FAF1: variants seen among roughly 807,000 people sequenced by gnomAD.
FAF1 encodes the protein FAS-associated factor 1.
Under a neutral mutation model 92.5 loss-of-function variants are expected in FAF1, and 25 were observed. That is an observed-to-expected ratio of 0.27 (90% confidence interval 0.20 to 0.38). The LOEUF (loss-of-function observed/expected upper bound fraction) is 0.38. Ranked by LOEUF, FAF1 falls within the 10% of genes least tolerant of loss-of-function variation. FAF1 has a pLI of 1.00. For missense variants in FAF1, 636 were observed against 793.3 expected (o/e 0.80, Z 2.38); for synonymous variants, 234 against 273.2 (o/e 0.86, Z 1.42).
At chr1:50,697,031 G>A (rs1414235267) in intron 7 of FAF1, among the ~76,000 whole-genome samples, 2 of 152,230 alleles carry the variant, frequency 1.3e-5, no homozygotes, top group African/African-American at 2.4e-5. Context: ...ATTTGGACCA[G>A]CTGGGTAGAA....
At chr1:50,593,924 GAGC>G (rs1186949964) in intron 9 of FAF1, among the ~76,000 whole-genome samples, 1 of 152,110 alleles carries the variant, frequency 6.6e-6, no homozygotes, top group East Asian at 1.9e-4. Context: ...AAATAAAAAT[GAGC>G]AACCACATTT....
chr1:50,716,904 A>T (rs1658200184), intron 6 of FAF1, among the ~76,000 whole-genome samples: 1 of 152,172 alleles, frequency 6.6e-6, no homozygotes, highest in African/African-American at 2.4e-5. Context: ...TTTGCTCTTC[A>T]CAATAAATCT....
chr1:50,567,118 T>A lies in FAF1; in HGVS notation c.1227A>T (p.Ile409=). Residue 409 remains isoleucine (I), a synonymous_variant, in exon 13 of 19, where the codon ATA becomes ATT. Coordinates refer to ENST00000396153, the MANE Select transcript of FAF1 (RefSeq NM_007051.3). ...CCTTTGTCAGATCCCAAGCCCAGGT[T>A]ATAAAATTTTGACTCAGATAAGAAA... ...SIVSYLSQNF[I]TWAWDLTKDS... is the part of the protein sequence containing the mutation. 1.2e-6 allele frequency: 2 copies of A among 1,610,006 alleles called. No homozygotes were observed. Among genetic ancestry groups the A allele is most frequent in the South Asian group, 2.2e-5 (2 of 90,468 alleles).
At chr1:50,849,029 T>C (rs1570047898) in intron 2 of FAF1, among the ~76,000 whole-genome samples, 1 of 151,942 alleles carries the variant, frequency 6.6e-6, no homozygotes, top group African/African-American at 2.4e-5. Context: ...GAGGCCAGGG[T>C]GGGTGGATCA....
chr1:50,576,087 T>C lies in FAF1; in HGVS notation c.1113+6531A>G, dbSNP rs143123212. Among the ~76,000 whole-genome samples the C allele has an allele frequency of 1.4e-4, 21 of 152,342 alleles. No homozygotes were observed. The East Asian group carries it at 3.1e-3, about 22-fold the overall frequency. On this transcript the variant is annotated intron_variant, in intron 12 of 18. Coordinates refer to ENST00000396153, the MANE Select transcript of FAF1 (RefSeq NM_007051.3). ...AACTGTTCCTAGAACTAGTTCATAA[T>C]TGAATGAGAAAATCAGTTTTGTTAT...
At chr1:50,881,861 A>G (rs1644615229) in intron 1 of FAF1, among the ~76,000 whole-genome samples, 1 of 152,224 alleles carries the variant, frequency 6.6e-6, no homozygotes, top group African/African-American at 2.4e-5. Flanking sequence ...TGCATTTATG[A>G]GAAGGCAACA....
At chr1:50,921,286 C>G (rs1644960936) in intron 1 of FAF1, among the ~76,000 whole-genome samples, 1 of 152,198 alleles carries the variant, frequency 6.6e-6, no homozygotes, top group Non-Finnish European at 1.5e-5. Context: ...TGTGGGCTGG[C>G]CTGCCCAACT....
intron 4 of FAF1, among the ~76,000 whole-genome samples, chr1:50,757,606 T>C (rs1446538880): frequency 6.6e-6 from 1 of 152,132 alleles, no homozygotes; most frequent in Non-Finnish European, 1.5e-5. Context: ...ATTTTCCAGT[T>C]CTTTTCATTT....
intron 1 of FAF1, among the ~76,000 whole-genome samples, chr1:50,881,444 G>T (rs1644611681): frequency 6.6e-6 from 1 of 152,102 alleles, no homozygotes; most frequent in Non-Finnish European, 1.5e-5. Context: ...GTCTCAACTT[G>T]AGTTTCATGG....
At chr1:50,896,436 AAAG>A (rs1644758539) in intron 1 of FAF1, among the ~76,000 whole-genome samples, 1 of 152,226 alleles carries the variant, frequency 6.6e-6, no homozygotes, top group Non-Finnish European at 1.5e-5. Context: ...TTTTTTAAAA[AAAG>A]AAAAATGAGA....
chr1:50,627,835 T>C (rs1653579578), intron 8 of FAF1, among the ~76,000 whole-genome samples: 1 of 77,060 alleles, frequency 1.3e-5, no homozygotes, highest in South Asian at 3.6e-4. Context: ...CAACAAAACA[T>C]TTTTTTTTTT....
At chr1:50,628,357 T>C (rs1653606127) in intron 8 of FAF1, among the ~76,000 whole-genome samples, 1 of 152,224 alleles carries the variant, frequency 6.6e-6, no homozygotes, top group South Asian at 2.1e-4. Context: ...TACACACAGC[T>C]ATCTGATTTG....
intron 8 of FAF1, among the ~76,000 whole-genome samples, chr1:50,601,825 A>C (rs1264224480): frequency 6.6e-6 from 1 of 151,838 alleles, no homozygotes; most frequent in Admixed American, 6.6e-5. Context: ...TTAGTTCTTC[A>C]AAGTATTTTT....
chr1:50,551,820 C>T (rs771522168), intron 13 of FAF1, among the ~76,000 whole-genome samples: 11 of 152,140 alleles, frequency 7.2e-5, no homozygotes, highest in Non-Finnish European at 1.0e-4. Flanking sequence ...TGAGAGTAGT[C>T]TCAAATAGTT....
intron 1 of FAF1, among the ~76,000 whole-genome samples, chr1:50,889,159 T>C (rs1162956614): frequency 1.3e-5 from 2 of 152,234 alleles, no homozygotes; most frequent in African/African-American, 4.8e-5. Flanking sequence ...CGTAGAGGTG[T>C]TTACAGTATT....
chr1:50,735,533 T>C (rs922198429), intron 6 of FAF1, among the ~76,000 whole-genome samples: 3 of 152,186 alleles, frequency 2.0e-5, no homozygotes, highest in Non-Finnish European at 2.9e-5. Flanking sequence ...AAAGAAATTA[T>C]ATTAATACAA....
At chr1:50,819,740 CATATATATAT>C (rs1553142997) in intron 2 of FAF1, among the ~76,000 whole-genome samples, 1 of 28,036 alleles carries the variant, frequency 3.6e-5, no homozygotes, top group African/African-American at 1.4e-4. Context: ...CATATATATA[CATATATATAT>C]ACATATATAT....
At chr1:50,940,375 A>C (rs1196097812) in intron 1 of FAF1, among the ~76,000 whole-genome samples, 2 of 152,268 alleles carry the variant, frequency 1.3e-5, no homozygotes, top group Non-Finnish European at 2.9e-5. Context: ...AATACAATGC[A>C]GTTTACAACA....
At chr1:50,875,461 T>C (rs1644563008) in intron 1 of FAF1, among the ~76,000 whole-genome samples, 1 of 151,924 alleles carries the variant, frequency 6.6e-6, no homozygotes, top group Admixed American at 6.6e-5. Flanking sequence ...TCTTTTTTTC[T>C]TTTTTTTCTG....
Sources: gnomAD v4.1 joint callset for allele counts (sites outside exome capture counted in the v4.1 genomes callset) on GRCh38, gnomAD v4.1.1 for gene constraint, MANE v1.5 for transcripts, NCBI Gene and HGNC (gene_info 2026-07-23, HGNC 2026-07-21) for gene names.